The following PTPN2 variants were observed in gnomAD, a reference collection of about 807,000 sequenced individuals.
PTPN2 encodes the protein tyrosine-protein phosphatase non-receptor type 2.
Under a neutral mutation model 57.3 loss-of-function variants are expected in PTPN2, and 19 were observed. The observed-to-expected ratio is 0.33, with a 90% confidence interval of 0.23 to 0.49. PTPN2 has a LOEUF of 0.49. Ranked by LOEUF, PTPN2 falls within the 20% of genes least tolerant of loss-of-function variation. The pLI is 0.99. For synonymous variants in PTPN2, 153 were observed against 164.9 expected (o/e 0.93, Z 0.55); for missense variants, 358 against 501.1 (o/e 0.71, Z 2.73).
chr18:12,866,497 A>G (rs1027605993), intron 1 of PTPN2, among the ~76,000 whole-genome samples: 6 of 151,010 alleles, frequency 4.0e-5, no homozygotes, highest in African/African-American at 1.5e-4. Flanking sequence ...GATACAAAAG[A>G]CTACACATGG....
chr18:12,883,754 A>C, intron 1 of PTPN2: 3 of 242,292 alleles, frequency 1.2e-5, no homozygotes, highest in Non-Finnish European at 1.6e-5. Context: ...GGACCCCCAG[A>C]CCCGGGCCGC....
rs1294439250 is a variant in PTPN2, at chr18:12,793,504, T to C, written c.*774A>G. ...TACCTGACTATCCCAGTAAGGAGAA[T>C]TTTCCTTCAAAGATATTTTTAGGAA... is the stretch of plus-strand genomic sequence containing the variant. On this transcript the variant is annotated 3_prime_UTR_variant, in exon 9 of 9. Coordinates refer to ENST00000309660, the MANE Select transcript of PTPN2 (RefSeq NM_002828.4). 1 of 980,606 alleles carries C rather than the reference T, an allele frequency of 1.0e-6. No homozygotes were observed. Among genetic ancestry groups the C allele is most frequent in the Non-Finnish European group, 1.2e-6 (1 of 824,990 alleles). 60.7% of individuals were successfully genotyped at this position (980,606 alleles called of 1,614,324 possible). A position where few individuals can be genotyped will look rare whatever the true frequency, so the allele number is the denominator to read the frequency against.
chr18:12,807,586 A>AAAAAAAAAAAAAATATATATATAT, intron 7 of PTPN2, among the ~76,000 whole-genome samples: 1 of 35,200 alleles, frequency 2.8e-5, no homozygotes, highest in African/African-American at 7.0e-5. Context: ...AAAAAAAAAA[A>AAAAAAAAAAAAAATATATATATAT]ATATATATAT....
chr18:12,806,904 A>G (rs1054252471), intron 7 of PTPN2, among the ~76,000 whole-genome samples: 3 of 152,196 alleles, frequency 2.0e-5, no homozygotes, highest in East Asian at 1.9e-4. Context: ...GGTCTTTTGT[A>G]TAAGACCTCA....
In PTPN2 at chr18:12,792,957, C is replaced by T; in HGVS notation, c.*1321G>A. ...AGCCTTATGCAGAAATCTTATGTGG[C>T]ATATAAAGAGACAAGGCAGAGATGC... On this transcript the variant is annotated 3_prime_UTR_variant, in exon 9 of 9. Coordinates refer to ENST00000309660, the MANE Select transcript of PTPN2 (RefSeq NM_002828.4). The T allele has an allele frequency of 1.0e-6, 1 of 984,510 alleles. No homozygotes were observed. Among genetic ancestry groups the T allele is most frequent in the Non-Finnish European group, 1.2e-6 (1 of 829,124 alleles). The allele number at this position is 984,510 out of a possible 1,614,324, so 61.0% of individuals were successfully genotyped here.
At position 12,859,164 on chromosome 18, in the gene PTPN2, A is replaced by G; in HGVS notation, c.160T>C (p.Tyr54His). The change falls in exon 2 of 9, where the codon TAT becomes CAT. Residue 54 changes from tyrosine (Y) to histidine (H), a missense_variant and splice_region_variant. Tyr to His is a moderately conservative substitution (Grantham distance 83). This residue lies in a region of PTPN2 where 193 missense variants were observed against 315.4 expected (regional missense o/e 0.61). Transcript: ENST00000309660. ...TGCACACAAACCCACAAGTACTTAC[A>G]TGGGCTTACATCTCTGTATCTGTTT... Reference protein sequence around the residue: ...NRNRYRDVSPYDHSRVKLQNA... With the variant: ...NRNRYRDVSPHDHSRVKLQNA... The G allele has an allele frequency of 6.2e-7, 1 of 1,610,260 alleles. No individual in the cohort carries two copies. The highest frequency in any genetic ancestry group is 8.5e-7 in the Non-Finnish European group (1 of 1,176,906).
intron 2 of PTPN2, among the ~76,000 whole-genome samples, chr18:12,858,057 T>C (rs1325653725): frequency 6.6e-6 from 1 of 152,188 alleles, no homozygotes; most frequent in Non-Finnish European, 1.5e-5. Flanking sequence ...TTTTCAGTGG[T>C]ACATCCAGAC....
At chr18:12,823,001 T>C (rs1319442103) in intron 5 of PTPN2, among the ~76,000 whole-genome samples, 2 of 152,190 alleles carry the variant, frequency 1.3e-5, no homozygotes, top group Non-Finnish European at 2.9e-5. Context: ...GTGACCCAAG[T>C]CACTCAGCAA....
chr18:12,844,925 T>G (rs1440777961), intron 2 of PTPN2, among the ~76,000 whole-genome samples: 1 of 152,226 alleles, frequency 6.6e-6, no homozygotes, highest in Non-Finnish European at 1.5e-5. Context: ...GTGTGAGATT[T>G]CATTTTAAAT....
intron 2 of PTPN2, among the ~76,000 whole-genome samples, chr18:12,856,814 C>A (rs1359178839): frequency 6.6e-6 from 1 of 151,952 alleles, no homozygotes; most frequent in Admixed American, 6.5e-5. Context: ...AATCCCAGCA[C>A]TTTGGGAGAC....
At chr18:12,864,552 C>T (rs201284481) in intron 1 of PTPN2, among the ~76,000 whole-genome samples, 7 of 152,160 alleles carry the variant, frequency 4.6e-5, no homozygotes, top group Non-Finnish European at 8.8e-5. Context: ...CCCGCCACCA[C>T]GCCCGGCTAA....
At chr18:12,814,105 C>A in intron 7 of PTPN2, 98 bp downstream of exon 7, 1 of 1,005,410 alleles carries the variant, frequency 9.9e-7, no homozygotes, top group East Asian at 2.6e-5. Context: ...TTCAAATACA[C>A]TCTTTGAAAC....
intron 2 of PTPN2, among the ~76,000 whole-genome samples, chr18:12,852,339 T>C (rs1222057779): frequency 1.3e-5 from 2 of 152,060 alleles, no homozygotes; most frequent in East Asian, 1.9e-4. Flanking sequence ...AATAGGAAGA[T>C]CTCAAAATTT....
At chr18:12,826,053 G>A in intron 4 of PTPN2, 109 bp from the exon 5 acceptor site, 1 of 878,484 alleles carries the variant, frequency 1.1e-6, no homozygotes, top group South Asian at 2.2e-5. Context: ...ATTTTTTCAA[G>A]TACCCAAAAC....
chr18:12,874,796 C>G (rs2044429789), intron 1 of PTPN2, among the ~76,000 whole-genome samples: 1 of 152,220 alleles, frequency 6.6e-6, no homozygotes, highest in Non-Finnish European at 1.5e-5. Context: ...ACCACCCTGT[C>G]TGGGAGGTGT....
intron 1 of PTPN2, among the ~76,000 whole-genome samples, chr18:12,865,120 C>G (rs902367306): frequency 6.6e-6 from 1 of 152,150 alleles, no homozygotes; most frequent in Non-Finnish European, 1.5e-5. Context: ...TTCATAGAAT[C>G]CTCAAACTAA....
At chr18:12,882,958 A>G (rs1356401116) in intron 1 of PTPN2, among the ~76,000 whole-genome samples, 3 of 152,250 alleles carry the variant, frequency 2.0e-5, no homozygotes, top group African/African-American at 7.2e-5. Context: ...AACGAAGGGG[A>G]AAGCAGTTAC....
At chr18:12,796,327 A>G (rs2041184307) in intron 8 of PTPN2, among the ~76,000 whole-genome samples, 2 of 152,240 alleles carry the variant, frequency 1.3e-5, no homozygotes, top group Admixed American at 1.3e-4. Flanking sequence ...TTTGGTAAAT[A>G]TATTAAAAGT....
chr18:12,826,999 C>G (rs2042488935), intron 4 of PTPN2, among the ~76,000 whole-genome samples: 1 of 152,232 alleles, frequency 6.6e-6, no homozygotes, highest in Admixed American at 6.5e-5. Flanking sequence ...ATGGGACATT[C>G]ACTTTATGTT....
Sources: gnomAD v4.1 joint callset for allele counts (sites outside exome capture counted in the v4.1 genomes callset) on GRCh38, gnomAD v4.1.1 for gene constraint, gnomAD v4.1.1 regional missense constraint, MANE v1.5 for transcripts, NCBI Gene and HGNC (gene_info 2026-07-23, HGNC 2026-07-21) for gene names.